USP25: variants seen among roughly 807,000 people sequenced by gnomAD.
The protein encoded by USP25 is ubiquitin carboxyl-terminal hydrolase 25.
Under a neutral mutation model 158.5 loss-of-function variants are expected in USP25, and 85 were observed. The ratio of observed to expected loss-of-function variants is 0.54; its 90% CI spans 0.45 to 0.64. The LOEUF is 0.64. Ranked by LOEUF, USP25 falls within the 30% of genes least tolerant of loss-of-function variation. USP25 has a pLI of 0.00. For missense variants in USP25, 1,242 were observed against 1,327.3 expected, an observed-to-expected ratio of 0.94 and a Z score of 1.00; for synonymous variants, 464 against 460.4, an observed-to-expected ratio of 1.01 and a Z score of -0.10.
chr21:15,791,521 G>A lies in USP25; in HGVS notation c.412G>A (p.Ala138Thr), dbSNP rs1441099153. 2.5e-6 allele frequency: 4 copies of A among 1,608,696 alleles called. No homozygotes were observed. The highest frequency in any genetic ancestry group is 3.4e-6 in the Non-Finnish European group (4 of 1,176,978). Residue 138 changes from alanine to threonine, a missense_variant, in exon 5 of 26, where the codon GCA becomes ACA. Physicochemically the swap from Ala to Thr is moderately conservative, Grantham distance 58. Around this residue, in one of 3 missense-constraint regions of USP25, gnomAD observed 627 missense variants for 701.4 expected, o/e 0.89. Transcript: ENST00000400183. ...AISRVLEASI[A>T]ENKACLKRTP... The stretch of plus-strand genomic sequence containing the variant: ...ATTAAGAGTTCTTGAAGCCAGCATA[G>A]CAGAGAATAAAGCATGTTTGAAGAG...
intron 1 of USP25, among the ~76,000 whole-genome samples, chr21:15,731,534 C>T (rs937848317): frequency 7.2e-5 from 11 of 152,236 alleles, no homozygotes; most frequent in African/African-American, 2.4e-4. Flanking sequence ...TACATACAGC[C>T]TGCTAAATTT....
In USP25 at chr21:15,787,878, A is replaced by G. The variant is rs142776994; in HGVS notation, c.393-3624A>G. 6.6e-3 allele frequency among the ~76,000 whole-genome samples: 1,003 copies of G among 150,896 alleles called. 14 individuals carry two copies. The highest frequency in any genetic ancestry group is 0.024 in the African/African-American group (958 of 40,764). ...CTATAGGCAATTTAACAACACAAAAACAATAAAATAATAACACCCCCTCAC... is the reference window on the plus strand; with the variant it reads ...CTATAGGCAATTTAACAACACAAAAGCAATAAAATAATAACACCCCCTCAC... On this transcript the variant is annotated intron_variant, in intron 4 of 25. Transcript: ENST00000400183.
At chr21:15,775,366 A>G (rs974006938) in intron 3 of USP25, among the ~76,000 whole-genome samples, 2 of 152,158 alleles carry the variant, frequency 1.3e-5, no homozygotes, top group African/African-American at 2.4e-5. Context: ...TCTTTAAAAA[A>G]TCACTGGAAG....
chr21:15,761,536 T>A (rs2123394264), intron 1 of USP25, among the ~76,000 whole-genome samples: 1 of 152,292 alleles, frequency 6.6e-6, no homozygotes, highest in South Asian at 2.1e-4. Flanking sequence ...ACGGTGGAGT[T>A]TAACTGACAT....
At position 15,855,516 on chromosome 21, in the gene USP25, G is replaced by A. The variant is rs569675515; in HGVS notation, c.2547+5644G>A. Among the ~76,000 whole-genome samples, 699 of 152,238 alleles carry A rather than the reference G, an allele frequency of 4.6e-3. 5 individuals are homozygous for A. The highest frequency in any genetic ancestry group is 7.5e-3 in the Non-Finnish European group (513 of 68,018). On this transcript the variant is annotated intron_variant, in intron 20 of 25. Transcript: ENST00000400183. ...GAAATCTTGTTCCCTAAAGGTATAC[G>A]CAGGCCTAAATCGTTAATGCAAAAA...
At chr21:15,788,600 G>A (rs1036599997) in intron 4 of USP25, among the ~76,000 whole-genome samples, 3 of 152,082 alleles carry the variant, frequency 2.0e-5, no homozygotes, top group Non-Finnish European at 4.4e-5. Context: ...GAACCAAGAG[G>A]AGATGGTAGG....
chr21:15,737,131 C>T (rs28542431), intron 1 of USP25, among the ~76,000 whole-genome samples: 3,860 of 152,082 alleles, frequency 0.025, 169 homozygotes, highest in African/African-American at 0.085. Flanking sequence ...GGATTTTATA[C>T]GTCACTTATC....
intron 1 of USP25, among the ~76,000 whole-genome samples, chr21:15,745,981 T>C (rs2032525745): frequency 6.6e-6 from 1 of 152,240 alleles, no homozygotes. Context: ...ATCATTGAAT[T>C]ATATTGGTAC....
Position 15,878,752 on chromosome 21 carries a change from A to G in USP25, c.*277A>G. 3.2e-6 allele frequency: 1 copy of G among 311,780 alleles called. No homozygotes were observed. The highest frequency in any genetic ancestry group is 7.0e-5 in the South Asian group (1 of 14,280). The allele number at this position is 311,780 out of a possible 1,614,324, so 19.3% of individuals were successfully genotyped here. A position where few individuals can be genotyped will look rare whatever the true frequency, so the allele number is the denominator to read the frequency against. On this transcript the variant is annotated 3_prime_UTR_variant, in exon 26 of 26. Coordinates refer to ENST00000400183, the MANE Select transcript of USP25 (RefSeq NM_001283041.3). ...TATGCTTTTGCCACCTTCCTGTTGC[A>G]GTATTACTTTGCTTTTATCTTTTCT...
chr21:15,854,102 TG>T (rs1431461288), intron 20 of USP25, among the ~76,000 whole-genome samples: 1 of 152,112 alleles, frequency 6.6e-6, no homozygotes, highest in Non-Finnish European at 1.5e-5. Context: ...TGTTCTTTTT[TG>T]TGCTTAGTGT....
At position 15,822,108 on chromosome 21, in the gene USP25, T is replaced by C. The variant is rs545664835; in HGVS notation, c.1081-1931T>C. Among the ~76,000 whole-genome samples, 14 of 152,094 alleles carry C rather than the reference T, an allele frequency of 9.2e-5. 1 individual carries two copies. In the South Asian group the frequency reaches 1.7e-3, roughly 18 times the overall value. ...TAGTTAGATTGTAGACAAGTAGATA[T>C]AGTTTTTTGTTGAATGGAAATATTT... is the stretch of plus-strand genomic sequence containing the variant. On this transcript the variant is annotated intron_variant, in intron 10 of 25. Coordinates refer to ENST00000400183, the MANE Select transcript of USP25 (RefSeq NM_001283041.3).
At chr21:15,777,387 T>C (rs2123498270) in intron 3 of USP25, among the ~76,000 whole-genome samples, 1 of 151,458 alleles carries the variant, frequency 6.6e-6, no homozygotes, top group East Asian at 1.9e-4. Context: ...TGGCACATTC[T>C]TTCAGAATTT....
intron 6 of USP25, among the ~76,000 whole-genome samples, chr21:15,804,468 AT>A (rs2036279719): frequency 2.6e-5 from 4 of 151,828 alleles, no homozygotes; most frequent in Admixed American, 1.3e-4. Context: ...GTATAAAATA[AT>A]TTTATAAGTA....
intron 16 of USP25, among the ~76,000 whole-genome samples, chr21:15,832,666 CA>C (rs1272484087): frequency 6.6e-6 from 1 of 151,926 alleles, no homozygotes; most frequent in Non-Finnish European, 1.5e-5. Context: ...AGTGATCAAA[CA>C]TCTGGTATTT....
At chr21:15,781,774 G>A (rs2034979018) in intron 4 of USP25, among the ~76,000 whole-genome samples, 1 of 152,124 alleles carries the variant, frequency 6.6e-6, no homozygotes, top group South Asian at 2.1e-4. Flanking sequence ...CACCACAGGT[G>A]CCAGCAGTCA....
chr21:15,848,488 C>T lies in USP25; in HGVS notation c.2451+712C>T, dbSNP rs570607193. 1.1e-4 allele frequency among the ~76,000 whole-genome samples: 17 copies of T among 152,062 alleles called. 1 individual carries two copies. The South Asian group carries it at 2.1e-3, about 19-fold the overall frequency. On this transcript the variant is annotated intron_variant, in intron 19 of 25. Transcript: ENST00000400183. The stretch of plus-strand genomic sequence containing the variant: ...ACTTAATATTACTCTTTTTGAGGAA[C>T]GGCCAGTAAAGCTGTTTTTGAACAG...
At position 15,805,333 on chromosome 21, in the gene USP25, A is replaced by G. The variant is rs976979492; in HGVS notation, c.780+75A>G. ...ACAATATTAAGCACCTTTCCCAAGA[A>G]TATGAGACTATTTGAGATGCATGAT... On this transcript the variant is annotated intron_variant, in intron 7 of 25. Coordinates refer to ENST00000400183, the MANE Select transcript of USP25 (RefSeq NM_001283041.3). 8 of 1,339,142 alleles carry G rather than the reference A, an allele frequency of 6.0e-6. No individual in the cohort carries two copies. In the African/African-American group the frequency reaches 9.1e-5, roughly 15 times the overall value. The allele number at this position is 1,339,142 out of a possible 1,614,324, so 83.0% of individuals were successfully genotyped here.
chr21:15,865,737 T>G (rs1172802579), intron 21 of USP25, among the ~76,000 whole-genome samples: 1 of 152,162 alleles, frequency 6.6e-6, no homozygotes. Context: ...TAATCTGTTT[T>G]GATAACCTGA....
At chr21:15,869,371 A>C (rs1286348131) in intron 22 of USP25, among the ~76,000 whole-genome samples, 1 of 152,124 alleles carries the variant, frequency 6.6e-6, no homozygotes, top group African/African-American at 2.4e-5. Flanking sequence ...TTCACTTTCC[A>C]ATTTATCCTA....
Sources: gnomAD v4.1 joint callset for allele counts (sites outside exome capture counted in the v4.1 genomes callset) on GRCh38, gnomAD v4.1.1 for gene constraint, gnomAD v4.1.1 regional missense constraint, MANE v1.5 for transcripts, NCBI Gene and HGNC (gene_info 2026-07-23, HGNC 2026-07-21) for gene names.